The following AGBL1 variants were observed in gnomAD, a reference collection of about 807,000 sequenced individuals.
AGBL1 encodes cytosolic carboxypeptidase 4.
A neutral mutation model predicts 118.9 loss-of-function variants in AGBL1; 130 were observed. The observed-to-expected ratio is 1.09, with a 90% CI of 0.95 to 1.26. The LOEUF is 1.26. Ranked by LOEUF, AGBL1 falls within the 50% of genes most tolerant of loss-of-function variation. AGBL1 has a pLI of 0.00. For missense variants in AGBL1, 1,584 were observed against 1,298.1 expected, an observed-to-expected ratio of 1.22 and a Z score of -3.38; for synonymous variants, 555 against 478.9, an observed-to-expected ratio of 1.16 and a Z score of -2.08.
At chr15:86,801,310 CATCT>C (rs10629012) in intron 22 of AGBL1, among the ~76,000 whole-genome samples, 11,670 of 147,230 alleles carry the variant, frequency 0.079, 579 homozygotes, top group African/African-American at 0.13. Flanking sequence ...TTGATGATTA[CATCT>C]ATCTATCTAT....
chr15:86,811,227 A>T (rs762025684), intron 22 of AGBL1, among the ~76,000 whole-genome samples: 1 of 152,182 alleles, frequency 6.6e-6, no homozygotes, highest in African/African-American at 2.4e-5. Context: ...TCTTCTTCCT[A>T]TTGGTAGTGG....
chr15:86,925,632 A>G (rs1334346659), intron 23 of AGBL1, among the ~76,000 whole-genome samples: 2 of 151,250 alleles, frequency 1.3e-5, no homozygotes. Context: ...TGTCCACCAA[A>G]TAGGTGCTGA....
chr15:86,832,272 A>C (rs540683150), intron 22 of AGBL1, among the ~76,000 whole-genome samples: 1 of 152,346 alleles, frequency 6.6e-6, no homozygotes, highest in South Asian at 2.1e-4. Flanking sequence ...TTCGTTACTT[A>C]TGCAAATTTC....
intron 17 of AGBL1, among the ~76,000 whole-genome samples, chr15:86,341,677 T>C (rs999848589): frequency 7.9e-5 from 12 of 152,152 alleles, no homozygotes; most frequent in African/African-American, 2.9e-4. Context: ...ACTACAAAGA[T>C]CTAGGCAATC....
intron 17 of AGBL1, among the ~76,000 whole-genome samples, chr15:86,347,979 G>T (rs1373134709): frequency 1.3e-5 from 2 of 151,728 alleles, no homozygotes; most frequent in Non-Finnish European, 2.9e-5. Context: ...ATAAACTATT[G>T]AATGAGAAAA....
At chr15:86,787,150 TTATA>T (rs763899308) in intron 22 of AGBL1, among the ~76,000 whole-genome samples, 15 of 151,252 alleles carry the variant, frequency 9.9e-5, no homozygotes, top group Admixed American at 6.6e-5. Context: ...TACATAATGT[TTATA>T]TATATATATA....
Position 86,247,073 on chromosome 15 carries a change from A to G in AGBL1, c.527-598A>G, listed in dbSNP as rs371629840. ...CCTAAAAACAAAAGTATTCTCTTAC[A>G]TAACCCCAGTTTATCAAAATCTGAA... On this transcript the variant is annotated intron_variant, in intron 6 of 22. Transcript: ENST00000614907. Among the ~76,000 whole-genome samples the G allele has an allele frequency of 2.6e-5, 4 of 152,362 alleles. No individual in the cohort carries two copies. The East Asian group carries it at 7.7e-4, about 29-fold the overall frequency.
intron 18 of AGBL1, among the ~76,000 whole-genome samples, chr15:86,401,634 A>G (rs2081446954): frequency 6.6e-6 from 1 of 152,110 alleles, no homozygotes; most frequent in Non-Finnish European, 1.5e-5. Flanking sequence ...ATATAAGGTG[A>G]AAGATGAGGA....
intron 22 of AGBL1, among the ~76,000 whole-genome samples, chr15:86,845,664 A>C (rs1193629198): frequency 6.6e-6 from 1 of 152,198 alleles, no homozygotes; most frequent in Non-Finnish European, 1.5e-5. Flanking sequence ...GTATTATTTC[A>C]TCTTTTTTGA....
intron 5 of AGBL1, among the ~76,000 whole-genome samples, chr15:86,211,291 G>T (rs1307508174): frequency 6.6e-6 from 1 of 152,214 alleles, no homozygotes; most frequent in Non-Finnish European, 1.5e-5. Context: ...CTACACAGGG[G>T]TCAGGGATCC....
At chr15:86,811,480 A>G (rs1302665810) in intron 22 of AGBL1, among the ~76,000 whole-genome samples, 3 of 152,242 alleles carry the variant, frequency 2.0e-5, no homozygotes, top group African/African-American at 7.2e-5. Context: ...AGTAAAAACA[A>G]TTCTCTAAGA....
intron 22 of AGBL1, among the ~76,000 whole-genome samples, chr15:86,874,153 A>G (rs2079770164): frequency 6.6e-6 from 1 of 152,154 alleles, no homozygotes; most frequent in African/African-American, 2.4e-5. Flanking sequence ...TATTTCCTAT[A>G]ATATCATGAA....
chr15:86,950,449 A>G (rs1045395076), intron 23 of AGBL1, among the ~76,000 whole-genome samples: 3 of 151,098 alleles, frequency 2.0e-5, no homozygotes, highest in Non-Finnish European at 4.4e-5. Flanking sequence ...TAGATTTTAC[A>G]TATACAAAAA....
At chr15:86,616,024 G>C (rs2142400145) in intron 21 of AGBL1, among the ~76,000 whole-genome samples, 2 of 152,174 alleles carry the variant, frequency 1.3e-5, no homozygotes, top group East Asian at 3.9e-4. Flanking sequence ...GATTAGGATA[G>C]CAATTGTCAC....
At chr15:86,399,147 AAAG>A (rs1360783463) in intron 18 of AGBL1, among the ~76,000 whole-genome samples, 8 of 152,174 alleles carry the variant, frequency 5.3e-5, no homozygotes, top group Admixed American at 2.0e-4. Context: ...CAGACCTTGG[AAAG>A]AAATTAGCCT....
At chr15:86,773,939 C>A (rs543943451) in intron 22 of AGBL1, among the ~76,000 whole-genome samples, 1 of 152,104 alleles carries the variant, frequency 6.6e-6, no homozygotes, top group Non-Finnish European at 1.5e-5. Context: ...AATAGGCTGG[C>A]TCTGAGAGGG....
At chr15:86,256,233 A>G (rs1007994461) in intron 7 of AGBL1, among the ~76,000 whole-genome samples, 2 of 152,202 alleles carry the variant, frequency 1.3e-5, no homozygotes, top group African/African-American at 4.8e-5. Flanking sequence ...CAGTATCAAA[A>G]TGTTACATCT....
intron 22 of AGBL1, among the ~76,000 whole-genome samples, chr15:86,714,019 A>T (rs1275281187): frequency 6.6e-6 from 1 of 152,126 alleles, no homozygotes; most frequent in Non-Finnish European, 1.5e-5. Flanking sequence ...GAGAAGAATA[A>T]CCTGTGTCGA....
intron 18 of AGBL1, among the ~76,000 whole-genome samples, chr15:86,400,357 T>A (rs898800655): frequency 6.6e-6 from 1 of 152,096 alleles, no homozygotes; most frequent in Non-Finnish European, 1.5e-5. Context: ...CTAAATCTTG[T>A]GTATATGGTA....
Sources: allele counts gnomAD v4.1 joint callset (sites outside exome capture counted in the v4.1 genomes callset), GRCh38; gene constraint gnomAD v4.1.1; transcripts MANE v1.5; gene names NCBI Gene and HGNC (gene_info 2026-07-23, HGNC 2026-07-21).